AXDND1: variants seen among roughly 807,000 people sequenced by gnomAD.
AXDND1 encodes axonemal dynein light chain domain-containing protein 1.
A neutral mutation model predicts 137.5 loss-of-function variants in AXDND1; 110 were observed. The observed-to-expected ratio is 0.80, with a 90% CI of 0.69 to 0.94. AXDND1 has a LOEUF of 0.94. Among genes scored for constraint, AXDND1 ranks in the 40% least tolerant of loss-of-function variants. The probability of loss-of-function intolerance (pLI) is 0.00; values close to 1 mark genes in which losing one functional copy is unlikely to be tolerated. For synonymous variants in AXDND1, 414 were observed against 399.7 expected (o/e 1.04, Z -0.43); for missense variants, 1,191 against 1,169.8 (o/e 1.02, Z -0.26).
At chr1:179,394,112 AT>A (rs1650638608) in intron 10 of AXDND1, 69 bp downstream of exon 10, 2 of 1,444,100 alleles carry the variant, frequency 1.4e-6, no homozygotes, top group African/African-American at 2.9e-5. Flanking sequence ...AGTAAAAAAT[AT>A]TTAGGGAAAG....
intron 6 of AXDND1, among the ~76,000 whole-genome samples, chr1:179,381,968 AT>A (rs1648419805): frequency 1.4e-5 from 1 of 71,350 alleles, no homozygotes; most frequent in African/African-American, 5.4e-5. Context: ...TTTTTTTTGT[AT>A]TTTTAGTAGC....
chr1:179,443,985 A>G (rs1459706050), intron 15 of AXDND1, among the ~76,000 whole-genome samples: 1 of 152,154 alleles, frequency 6.6e-6, no homozygotes. Context: ...TTTAGGAATA[A>G]CTTGAACAGT....
At chr1:179,392,144 A>C (rs1379174443) in intron 9 of AXDND1, among the ~76,000 whole-genome samples, 1 of 152,162 alleles carries the variant, frequency 6.6e-6, no homozygotes, top group Non-Finnish European at 1.5e-5. Context: ...CTTCCTCCTC[A>C]GACCCCAGAG....
chr1:179,428,047 T>C (rs866773093), intron 12 of AXDND1, among the ~76,000 whole-genome samples: 4 of 152,208 alleles, frequency 2.6e-5, no homozygotes, highest in Non-Finnish European at 1.5e-5. Flanking sequence ...GCTGGACTTT[T>C]ACAAGATTAG....
intron 17 of AXDND1, among the ~76,000 whole-genome samples, chr1:179,479,106 AAAT>A (rs1664996953): frequency 6.6e-6 from 1 of 152,106 alleles, no homozygotes. Flanking sequence ...TGTCTCAAAA[AAAT>A]AATAATAAAA....
chr1:179,475,238 C>T (rs1352084409), intron 17 of AXDND1, among the ~76,000 whole-genome samples: 1 of 152,262 alleles, frequency 6.6e-6, no homozygotes, highest in Non-Finnish European at 1.5e-5. Flanking sequence ...TACTGGAGCA[C>T]TGCCTAGTGG....
intron 20 of AXDND1, among the ~76,000 whole-genome samples, chr1:179,508,485 G>A (rs555630186): frequency 2.0e-5 from 3 of 152,222 alleles, no homozygotes; most frequent in African/African-American, 4.8e-5. Flanking sequence ...AGAGGACAAC[G>A]TTTCCTAGTT....
At chr1:179,390,750 CT>C (rs35768244) in intron 9 of AXDND1, among the ~76,000 whole-genome samples, 2 of 150,394 alleles carry the variant, frequency 1.3e-5, no homozygotes, top group South Asian at 2.1e-4. Context: ...GCCTAGATTC[CT>C]TTTTTTTTCT....
intron 21 of AXDND1, among the ~76,000 whole-genome samples, chr1:179,516,200 T>C (rs1341059036): frequency 1.3e-5 from 2 of 152,170 alleles, no homozygotes; most frequent in Non-Finnish European, 2.9e-5. Context: ...GAAGACCTGG[T>C]CTTCGAGCTC....
intron 16 of AXDND1, among the ~76,000 whole-genome samples, chr1:179,465,474 T>C (rs12131011): frequency 0.17 from 25,434 of 152,042 alleles, 2,443 homozygotes; most frequent in East Asian, 0.35. Context: ...CCTGATCCTT[T>C]CTCTGGAAGC....
intron 21 of AXDND1, among the ~76,000 whole-genome samples, chr1:179,523,222 T>C (rs1670233493): frequency 1.6e-5 from 2 of 125,540 alleles, no homozygotes; most frequent in East Asian, 5.2e-4. Context: ...TATAGGCTTT[T>C]GATTTCATCT....
Position 179,447,580 on chromosome 1 carries a change from A to G in AXDND1, c.1798+2376A>G. On this transcript the variant is annotated intron_variant, in intron 16 of 25. Coordinates refer to ENST00000367618, the MANE Select transcript of AXDND1 (RefSeq NM_144696.6). ...TACATGTTTTAAAGAATGAAGTTGA[A>G]GAAAGGTTCAACTTACTAGTGGAGG... is the stretch of plus-strand genomic sequence containing the variant. The G allele has an allele frequency of 3.9e-6, 4 of 1,026,260 alleles. No individual in the cohort carries two copies. The South Asian group carries it at 5.5e-5, about 14-fold the overall frequency. 63.6% of individuals were successfully genotyped at this position (1,026,260 alleles called of 1,614,324 possible).
chr1:179,542,045 G>A (rs914930574), intron 25 of AXDND1, among the ~76,000 whole-genome samples: 1 of 152,040 alleles, frequency 6.6e-6, no homozygotes, highest in Non-Finnish European at 1.5e-5. Context: ...ATTGTCTCTG[G>A]GTAATAGAGG....
At chr1:179,459,172 G>A (rs975683062) in intron 16 of AXDND1, among the ~76,000 whole-genome samples, 3 of 152,050 alleles carry the variant, frequency 2.0e-5, no homozygotes, top group South Asian at 2.1e-4. Flanking sequence ...TTCTTTAAAG[G>A]AAGTACTTAC....
chr1:179,405,586 G>A (rs1652833584), intron 11 of AXDND1, among the ~76,000 whole-genome samples: 1 of 152,022 alleles, frequency 6.6e-6, no homozygotes, highest in Admixed American at 6.5e-5. Context: ...GGTCTGTTCA[G>A]GTTTTCTGTT....
intron 25 of AXDND1, among the ~76,000 whole-genome samples, chr1:179,553,831 C>T (rs765990313): frequency 9.2e-5 from 14 of 152,052 alleles, no homozygotes; most frequent in Non-Finnish European, 1.9e-4. Flanking sequence ...CTGCAGCCTC[C>T]GCCTCCCGGG....
At chr1:179,369,652 A>G (rs548518465) in intron 3 of AXDND1, among the ~76,000 whole-genome samples, 53 of 17,010 alleles carry the variant, frequency 3.1e-3, no homozygotes, top group African/African-American at 9.9e-3. Context: ...ACTCTGTCTC[A>G]AAAAAAAAAA....
intron 25 of AXDND1, among the ~76,000 whole-genome samples, chr1:179,549,073 T>TATCC (rs1006197186): frequency 4.6e-5 from 7 of 152,162 alleles, no homozygotes; most frequent in Non-Finnish European, 8.8e-5. Context: ...TGGAACATCT[T>TATCC]ATCCCTGTTT....
chr1:179,477,309 T>C (rs1664757133), intron 17 of AXDND1, among the ~76,000 whole-genome samples: 1 of 152,120 alleles, frequency 6.6e-6, no homozygotes, highest in Non-Finnish European at 1.5e-5. Flanking sequence ...AACTAACATG[T>C]GTTAGTTCAT....
Sources: gnomAD v4.1 joint callset for allele counts (sites outside exome capture counted in the v4.1 genomes callset) on GRCh38, gnomAD v4.1.1 for gene constraint, MANE v1.5 for transcripts, NCBI Gene and HGNC (gene_info 2026-07-23, HGNC 2026-07-21) for gene names.